Variants in CA10 observed in about 807,000 individuals in gnomAD.
CA10 encodes the protein carbonic anhydrase-related protein 10.
In CA10, 14 loss-of-function variants were observed where a neutral mutation model predicts 44.2. That is an observed-to-expected ratio of 0.32 (90% CI 0.21 to 0.50). The LOEUF (loss-of-function observed/expected upper bound fraction) is 0.50, where lower values mean the gene tolerates loss of function less well. Ranked by LOEUF, CA10 falls within the 20% of genes least tolerant of loss-of-function variation. The probability of loss-of-function intolerance (pLI) is 0.99; values close to 1 mark genes in which losing one functional copy is unlikely to be tolerated. For synonymous variants in CA10, 159 were observed against 141.6 expected, an observed-to-expected ratio of 1.12 and a Z score of -0.87; for missense variants, 350 against 409.7, an observed-to-expected ratio of 0.85 and a Z score of 1.26.
At chr17:51,716,197 G>T (rs1440271523) in intron 4 of CA10, among the ~76,000 whole-genome samples, 1 of 152,062 alleles carries the variant, frequency 6.6e-6, no homozygotes, top group African/African-American at 2.4e-5. Context: ...CCTGGGGACG[G>T]TCCCCTGGGT....
intron 2 of CA10, among the ~76,000 whole-genome samples, chr17:51,947,622 C>T (rs1419576643): frequency 6.6e-6 from 1 of 152,126 alleles, no homozygotes; most frequent in Non-Finnish European, 1.5e-5. Context: ...AAAGTTTTAA[C>T]AATGCAGCAC....
chr17:51,967,618 TA>T, intron 2 of CA10, among the ~76,000 whole-genome samples: 1 of 151,870 alleles, frequency 6.6e-6, no homozygotes, highest in South Asian at 2.1e-4. Context: ...TAGTCTCACT[TA>T]TAAGTGGGGC....
chr17:51,921,399 A>C (rs16950799), intron 3 of CA10, among the ~76,000 whole-genome samples: 5 of 152,124 alleles, frequency 3.3e-5, no homozygotes, highest in Non-Finnish European at 7.4e-5. Flanking sequence ...CAGCAGAGCT[A>C]GTTCTCCCCT....
chr17:51,699,467 C>T (rs981531829), intron 4 of CA10, among the ~76,000 whole-genome samples: 17 of 152,184 alleles, frequency 1.1e-4, no homozygotes, highest in Admixed American at 9.2e-4. Flanking sequence ...GAGACACACA[C>T]AGCCCCCAGG....
intron 4 of CA10, among the ~76,000 whole-genome samples, chr17:51,721,005 A>G (rs1475367624): frequency 6.6e-6 from 1 of 152,210 alleles, no homozygotes; most frequent in African/African-American, 2.4e-5. Context: ...TATCCCACAT[A>G]TATACACAAT....
intron 2 of CA10, among the ~76,000 whole-genome samples, chr17:52,071,949 A>G (rs1392197136): frequency 6.6e-6 from 1 of 152,206 alleles, no homozygotes; most frequent in Non-Finnish European, 1.5e-5. Context: ...GGATGCTGCT[A>G]AAGTGACAGC....
At chr17:51,789,169 C>T (rs964217012) in intron 3 of CA10, among the ~76,000 whole-genome samples, 1 of 152,132 alleles carries the variant, frequency 6.6e-6, no homozygotes, top group Admixed American at 6.5e-5. Flanking sequence ...GCGTGCGCCA[C>T]CACACCTGGC....
intron 1 of CA10, among the ~76,000 whole-genome samples, chr17:52,120,153 A>G (rs1000137090): frequency 2.0e-5 from 3 of 152,228 alleles, no homozygotes; most frequent in Non-Finnish European, 4.4e-5. Flanking sequence ...GTGTGCCAGC[A>G]GCCTTGGGAT....
intron 3 of CA10, among the ~76,000 whole-genome samples, chr17:51,925,919 G>A (rs547796563): frequency 6.6e-6 from 1 of 152,236 alleles, no homozygotes; most frequent in East Asian, 1.9e-4. Context: ...TAGGACAGAG[G>A]TTACCAGGGG....
At chr17:52,028,854 C>G (rs1311472795) in intron 2 of CA10, among the ~76,000 whole-genome samples, 1 of 152,174 alleles carries the variant, frequency 6.6e-6, no homozygotes, top group Non-Finnish European at 1.5e-5. Context: ...ACTTTTAGGG[C>G]CATGAAGAAG....
At chr17:51,736,722 A>C (rs1174271408) in intron 4 of CA10, among the ~76,000 whole-genome samples, 1 of 152,208 alleles carries the variant, frequency 6.6e-6, no homozygotes, top group Non-Finnish European at 1.5e-5. Flanking sequence ...GTGTTTATAC[A>C]CAAATTTACA....
In CA10 at chr17:51,777,814, C is replaced by T. The variant is rs537433907; in HGVS notation, c.280-29996G>A. ...AGGCGTGGTGGTATGTACCTGTGGT[C>T]CCTGCTACTCTGGAGGCTGAGGTGG... On this transcript the variant is annotated intron_variant, in intron 3 of 8. Coordinates refer to ENST00000451037, the MANE Select transcript of CA10 (RefSeq NM_020178.5). 6.6e-5 allele frequency among the ~76,000 whole-genome samples: 10 copies of T among 152,230 alleles called. No homozygotes were observed. The East Asian group carries it at 1.7e-3, about 26-fold the overall frequency.
rs549497337 is a variant in CA10, at chr17:51,970,795, C to A, written c.137-39663G>T. Among the ~76,000 whole-genome samples, 77 of 152,016 alleles carry A rather than the reference C, an allele frequency of 5.1e-4. 2 individuals carry two copies. The South Asian group carries it at 0.011, about 22-fold the overall frequency. On this transcript the variant is annotated intron_variant, in intron 2 of 8. Transcript: ENST00000451037. ...AGTTTCATTTGCTTTCTTACTATTT[C>A]CTTTTAAAAATAAAGTCACATTTAT...
intron 4 of CA10, among the ~76,000 whole-genome samples, chr17:51,691,650 A>G (rs1257278038): frequency 6.6e-6 from 1 of 152,214 alleles, no homozygotes; most frequent in Non-Finnish European, 1.5e-5. Flanking sequence ...AACTAATGTC[A>G]TAGACCAATG....
At chr17:51,653,536 T>C (rs113218373) in intron 5 of CA10, 105 bp downstream of exon 5, 1 of 725,378 alleles carries the variant, frequency 1.4e-6, no homozygotes. Flanking sequence ...TTCTTAGGCA[T>C]GGATAGCACC....
intron 1 of CA10, among the ~76,000 whole-genome samples, chr17:52,122,370 A>C (rs887942666): frequency 2.6e-5 from 4 of 152,258 alleles, no homozygotes. Context: ...AAAGCCTAAG[A>C]CAAAAGAGAA....
At chr17:51,829,115 A>T (rs537959761) in intron 3 of CA10, among the ~76,000 whole-genome samples, 1 of 152,322 alleles carries the variant, frequency 6.6e-6, no homozygotes, top group Admixed American at 6.5e-5. Flanking sequence ...ATAAAACAAA[A>T]AAACAAAGGA....
intron 4 of CA10, among the ~76,000 whole-genome samples, chr17:51,733,060 G>A (rs759119796): frequency 2.6e-5 from 4 of 152,232 alleles, no homozygotes; most frequent in South Asian, 4.2e-4. Context: ...ATTTGAGTGC[G>A]TTTCTGTTAC....
At chr17:52,152,919 A>G (rs751420439) in intron 1 of CA10, among the ~76,000 whole-genome samples, 40 of 152,138 alleles carry the variant, frequency 2.6e-4, no homozygotes, top group Non-Finnish European at 4.7e-4. Flanking sequence ...TTATAAAGGT[A>G]ATGAAGGTAG....
Sources: gnomAD v4.1 joint callset for allele counts (sites outside exome capture counted in the v4.1 genomes callset) on GRCh38, gnomAD v4.1.1 for gene constraint, MANE v1.5 for transcripts, NCBI Gene and HGNC (gene_info 2026-07-23, HGNC 2026-07-21) for gene names.